KCNIP4: variants seen among roughly 807,000 people sequenced by gnomAD.
KCNIP4 encodes the protein potassium voltage-gated channel interacting protein 4, also known as Kv channel-interacting protein 4.
A neutral mutation model predicts 34.0 loss-of-function variants in KCNIP4; 12 were observed. That is an observed-to-expected ratio of 0.35 (90% CI 0.23 to 0.57). The LOEUF is 0.57. Ranked by LOEUF, KCNIP4 falls within the 20% of genes least tolerant of loss-of-function variation. The pLI is 0.83. For synonymous variants in KCNIP4, 124 were observed against 102.2 expected, an observed-to-expected ratio of 1.21 and a Z score of -1.29; for missense variants, 238 against 311.7, an observed-to-expected ratio of 0.76 and a Z score of 1.78.
chr4:20,737,817 G>A (rs186407667), intron 5 of KCNIP4, among the ~76,000 whole-genome samples: 1 of 152,326 alleles, frequency 6.6e-6, no homozygotes, highest in East Asian at 1.9e-4. Context: ...GACAGCCCTT[G>A]GAGGTATGAG....
intron 1 of KCNIP4, among the ~76,000 whole-genome samples, chr4:21,651,551 T>C (rs1286444885): frequency 6.6e-6 from 1 of 152,224 alleles, no homozygotes; most frequent in Non-Finnish European, 1.5e-5. Flanking sequence ...TGCAATTGGG[T>C]GACCAAGCTG....
chr4:21,032,654 C>T (rs144164158), intron 1 of KCNIP4, among the ~76,000 whole-genome samples: 146 of 152,212 alleles, frequency 9.6e-4, no homozygotes, highest in African/African-American at 3.2e-3. Context: ...ACTGAGAATG[C>T]GTAAACATGG....
chr4:21,597,320 C>T (rs540995925), intron 1 of KCNIP4, among the ~76,000 whole-genome samples: 3 of 152,080 alleles, frequency 2.0e-5, no homozygotes, highest in Non-Finnish European at 4.4e-5. Context: ...TGCTTTTCAC[C>T]TTCGGCCATG....
chr4:21,868,012 G>C (rs1247604359), intron 1 of KCNIP4, among the ~76,000 whole-genome samples: 1 of 152,108 alleles, frequency 6.6e-6, no homozygotes, highest in African/African-American at 2.4e-5. Context: ...AAAAGAATGA[G>C]AATTCCTTAT....
chr4:21,409,767 A>G (rs1253404512), intron 1 of KCNIP4, among the ~76,000 whole-genome samples: 2 of 152,194 alleles, frequency 1.3e-5, no homozygotes, highest in Admixed American at 6.5e-5. Context: ...AATGTATGTG[A>G]GTGTATGAGT....
At chr4:21,712,894 A>C (rs1221274173) in intron 1 of KCNIP4, among the ~76,000 whole-genome samples, 1 of 152,156 alleles carries the variant, frequency 6.6e-6, no homozygotes, top group Non-Finnish European at 1.5e-5. Flanking sequence ...CAATCATTCT[A>C]GTATTAAACA....
intron 1 of KCNIP4, among the ~76,000 whole-genome samples, chr4:20,961,364 C>T (rs924539565): frequency 2.0e-5 from 3 of 152,074 alleles, no homozygotes; most frequent in Admixed American, 6.6e-5. Context: ...ACAGATCATG[C>T]CTCTGTGCAA....
chr4:21,173,057 A>G (rs1754128818), intron 1 of KCNIP4, among the ~76,000 whole-genome samples: 3 of 152,062 alleles, frequency 2.0e-5, no homozygotes. Context: ...CTTTACCACA[A>G]CCCTTGCCAG....
intron 1 of KCNIP4, among the ~76,000 whole-genome samples, chr4:21,127,628 C>A (rs901005327): frequency 6.6e-6 from 1 of 152,112 alleles, no homozygotes; most frequent in Non-Finnish European, 1.5e-5. Flanking sequence ...AAACTTAGAA[C>A]CTAGCCCATA....
At chr4:21,728,350 C>A (rs114572787) in intron 1 of KCNIP4, among the ~76,000 whole-genome samples, 1 of 152,134 alleles carries the variant, frequency 6.6e-6, no homozygotes, top group Non-Finnish European at 1.5e-5. Flanking sequence ...CACTCCACAT[C>A]GAGTCCATCA....
chr4:21,092,775 C>CA (rs1406286728), intron 1 of KCNIP4, among the ~76,000 whole-genome samples: 1 of 152,172 alleles, frequency 6.6e-6, no homozygotes, highest in African/African-American at 2.4e-5. Context: ...AATGACTAGC[C>CA]AGGTCTCTGG....
At chr4:20,990,089 G>A (rs1327390270) in intron 1 of KCNIP4, among the ~76,000 whole-genome samples, 1 of 152,196 alleles carries the variant, frequency 6.6e-6, no homozygotes, top group Non-Finnish European at 1.5e-5. Flanking sequence ...AGGACTTGAT[G>A]GGGCAAGTAA....
At chr4:21,698,869 A>G (rs1276135043) in intron 1 of KCNIP4, among the ~76,000 whole-genome samples, 1 of 152,170 alleles carries the variant, frequency 6.6e-6, no homozygotes, top group Non-Finnish European at 1.5e-5. Context: ...ACTGAAACAC[A>G]TTGAATGGAA....
At chr4:21,286,036 C>G (rs1237581224) in intron 1 of KCNIP4, among the ~76,000 whole-genome samples, 1 of 152,192 alleles carries the variant, frequency 6.6e-6, no homozygotes, top group Non-Finnish European at 1.5e-5. Flanking sequence ...CTTTGTTCAT[C>G]CATTTTCATC....
At chr4:21,320,331 A>C (rs1714235385) in intron 1 of KCNIP4, among the ~76,000 whole-genome samples, 1 of 152,212 alleles carries the variant, frequency 6.6e-6, no homozygotes, top group African/African-American at 2.4e-5. Context: ...CTCTGGCCTG[A>C]AGGTGCCTGG....
At chr4:21,538,428 C>A (rs374007165) in intron 1 of KCNIP4, among the ~76,000 whole-genome samples, 1 of 152,096 alleles carries the variant, frequency 6.6e-6, no homozygotes, top group Non-Finnish European at 1.5e-5. Context: ...ATCTGGGACA[C>A]GTATCAGTGT....
At chr4:21,013,679 A>C (rs1739261004) in intron 1 of KCNIP4, among the ~76,000 whole-genome samples, 1 of 152,186 alleles carries the variant, frequency 6.6e-6, no homozygotes. Context: ...TGTGTCAGGT[A>C]AAGAGGAACA....
intron 1 of KCNIP4, among the ~76,000 whole-genome samples, chr4:21,721,884 A>G (rs1714844750): frequency 6.6e-6 from 1 of 152,168 alleles, no homozygotes; most frequent in Non-Finnish European, 1.5e-5. Context: ...AATTTCCTCC[A>G]AATTATATGC....
At chr4:21,715,714 T>G (rs138088698) in intron 1 of KCNIP4, among the ~76,000 whole-genome samples, 1,715 of 152,312 alleles carry the variant, frequency 0.011, 20 homozygotes, top group Middle Eastern at 0.051. Context: ...CTCTAAAAAT[T>G]GAGAGGACTG....
Sources: allele counts gnomAD v4.1 joint callset (sites outside exome capture counted in the v4.1 genomes callset), GRCh38; gene constraint gnomAD v4.1.1; transcripts MANE v1.5; gene names NCBI Gene and HGNC (gene_info 2026-07-23, HGNC 2026-07-21).